KAZN: variants seen among roughly 807,000 people sequenced by gnomAD.
KAZN encodes the protein kazrin, periplakin interacting protein.
Under a neutral mutation model 87.4 loss-of-function variants are expected in KAZN, and 40 were observed. The observed-to-expected ratio is 0.46, with a 90% CI of 0.36 to 0.60. KAZN has a LOEUF of 0.60. Among genes scored for constraint, KAZN ranks in the 20% least tolerant of loss-of-function variants. The pLI, the probability that KAZN is intolerant of heterozygous loss-of-function variation, is 0.00. For missense variants in KAZN, 898 were observed against 1,073.9 expected, an observed-to-expected ratio of 0.84 and a Z score of 2.29; for synonymous variants, 466 against 458.3, an observed-to-expected ratio of 1.02 and a Z score of -0.22.
intron 1 of KAZN, among the ~76,000 whole-genome samples, chr1:14,877,875 A>T (rs116693597): frequency 0.01 from 1,529 of 152,298 alleles, 17 homozygotes; most frequent in Non-Finnish European, 0.014. Context: ...TTAATTCCAC[A>T]AATAAATTTC....
At chr1:14,368,843 C>G (rs1334248363) in intron 2 of KAZN, among the ~76,000 whole-genome samples, 1 of 152,122 alleles carries the variant, frequency 6.6e-6, no homozygotes, top group African/African-American at 2.4e-5. Flanking sequence ...AAGGGATGGC[C>G]AGGTAGAGAG....
chr1:13,899,646 T>C (rs929906503), intron 1 of KAZN, among the ~76,000 whole-genome samples: 1 of 37,268 alleles, frequency 2.7e-5, no homozygotes, highest in Non-Finnish European at 4.8e-5. Context: ...TGGTTGTCCT[T>C]TTTTTTTTTT....
chr1:14,777,103 C>T (rs924841279), intron 1 of KAZN, among the ~76,000 whole-genome samples: 13 of 152,144 alleles, frequency 8.5e-5, no homozygotes, highest in African/African-American at 2.4e-4. Flanking sequence ...CGGGTTCACG[C>T]CAGCTTCCTG....
intron 1 of KAZN, among the ~76,000 whole-genome samples, chr1:14,106,965 C>T (rs1325062043): frequency 3.2e-5 from 4 of 125,276 alleles, no homozygotes; most frequent in Non-Finnish European, 6.9e-5. Flanking sequence ...CCTCCCTCCC[C>T]GTCCCTCCCT....
At chr1:14,300,338 C>T (rs1026199182) in intron 2 of KAZN, among the ~76,000 whole-genome samples, 5 of 151,974 alleles carry the variant, frequency 3.3e-5, no homozygotes, top group African/African-American at 1.2e-4. Flanking sequence ...CTCAAGTGAT[C>T]CTCCCACATC....
intron 2 of KAZN, among the ~76,000 whole-genome samples, chr1:14,965,293 T>A (rs1170919977): frequency 6.6e-6 from 1 of 152,126 alleles, no homozygotes; most frequent in Non-Finnish European, 1.5e-5. Flanking sequence ...GTGCTGAGAT[T>A]ACAAGCATGA....
intron 2 of KAZN, among the ~76,000 whole-genome samples, chr1:14,215,740 G>A (rs1646944607): frequency 1.3e-5 from 2 of 152,120 alleles, no homozygotes; most frequent in African/African-American, 4.8e-5. Flanking sequence ...ATAATAATTG[G>A]TGAGGGTGGA....
At chr1:14,534,466 G>A (rs1190273472) in intron 2 of KAZN, among the ~76,000 whole-genome samples, 4 of 152,038 alleles carry the variant, frequency 2.6e-5, no homozygotes, top group East Asian at 1.9e-4. Flanking sequence ...CCAACATGGC[G>A]AAACCCCATC....
intron 2 of KAZN, among the ~76,000 whole-genome samples, chr1:14,358,606 A>C (rs1459332169): frequency 6.6e-6 from 1 of 152,140 alleles, no homozygotes; most frequent in South Asian, 2.1e-4. Context: ...TGTGTCCCAG[A>C]GATTCTGGTA....
intron 1 of KAZN, among the ~76,000 whole-genome samples, chr1:14,114,889 A>G (rs7519796): frequency 0.82 from 124,416 of 152,208 alleles, 51,652 homozygotes; most frequent in African/African-American, 0.92. Flanking sequence ...CTACAACCAT[A>G]GAGGGTACAT....
At chr1:14,112,640 G>A (rs1644525175) in intron 1 of KAZN, among the ~76,000 whole-genome samples, 1 of 152,194 alleles carries the variant, frequency 6.6e-6, no homozygotes, top group Non-Finnish European at 1.5e-5. Flanking sequence ...TGGAAAAAGG[G>A]AGATGGATGG....
chr1:15,080,743 G>C (rs546553099), intron 8 of KAZN, among the ~76,000 whole-genome samples: 1 of 152,234 alleles, frequency 6.6e-6, no homozygotes, highest in Non-Finnish European at 1.5e-5. Context: ...CTTCCCAAGG[G>C]CAGGGAGTGT....
intron 1 of KAZN, among the ~76,000 whole-genome samples, chr1:14,634,513 A>G (rs1023341976): frequency 6.6e-6 from 1 of 152,206 alleles, no homozygotes; most frequent in Non-Finnish European, 1.5e-5. Flanking sequence ...CTCATTTCTG[A>G]TCATTCAAGA....
chr1:14,138,504 G>A (rs1570838933), intron 1 of KAZN, among the ~76,000 whole-genome samples: 2 of 152,238 alleles, frequency 1.3e-5, no homozygotes, highest in South Asian at 2.1e-4. Flanking sequence ...ACCAGTCACT[G>A]GAAGAGGAAA....
chr1:14,773,729 AT>A lies in KAZN; in HGVS notation c.226+174507del, dbSNP rs1645088525. On this transcript the variant is annotated intron_variant, in intron 1 of 14. Coordinates refer to ENST00000376030, the MANE Select transcript of KAZN (RefSeq NM_201628.3). This position sits in a 1 kb window ranked among gnomAD's most constrained non-coding sequence, Gnocchi z 5.9. ...GTCACTTAGCCTGGCAGTGCTGCTA[AT>A]GAGGCCTCTGTGGCCTGGGCTTCCG... is the stretch of plus-strand genomic sequence containing the variant. 6.6e-6 allele frequency among the ~76,000 whole-genome samples: 1 copy of A among 152,164 alleles called. No homozygotes were observed. The highest frequency in any genetic ancestry group is 1.5e-5 in the Non-Finnish European group (1 of 68,038).
chr1:14,376,937 T>C (rs1660961422), intron 2 of KAZN, among the ~76,000 whole-genome samples: 1 of 152,238 alleles, frequency 6.6e-6, no homozygotes, highest in Admixed American at 6.5e-5. Flanking sequence ...ACTTCTATAA[T>C]GTATTAGTTG....
chr1:13,998,551 C>CA lies in KAZN; in HGVS notation c.91+104801dup, dbSNP rs561916438. On this transcript the variant is annotated intron_variant, in intron 1 of 16. Transcript: ENST00000636203. ...GAATATTTACCAAGCAAATGGAAAG[C>CA]AAAAAACAGCAGGGGTTGCAATCCT... Among the ~76,000 whole-genome samples, 89 of 149,880 alleles carry CA rather than the reference C, an allele frequency of 5.9e-4. 1 individual carries two copies. The highest frequency in any genetic ancestry group is 2.1e-3 in the African/African-American group (86 of 40,682).
chr1:13,906,083 C>A (rs1639426932), intron 1 of KAZN, among the ~76,000 whole-genome samples: 1 of 152,122 alleles, frequency 6.6e-6, no homozygotes, highest in Non-Finnish European at 1.5e-5. Context: ...GGATAATCTC[C>A]CCATTACTAG....
intron 1 of KAZN, among the ~76,000 whole-genome samples, chr1:13,903,544 G>T (rs1320785581): frequency 6.6e-6 from 1 of 152,202 alleles, no homozygotes; most frequent in Non-Finnish European, 1.5e-5. Flanking sequence ...ATGTCATGAT[G>T]GCGGCTGAGT....
Sources: allele counts gnomAD v4.1 joint callset (sites outside exome capture counted in the v4.1 genomes callset), GRCh38; gene constraint gnomAD v4.1.1; non-coding constraint Gnocchi (gnomAD v3.1); transcripts MANE v1.5; gene names NCBI Gene and HGNC (gene_info 2026-07-23, HGNC 2026-07-21).